The following SLC2A10 variants were observed in gnomAD, a reference collection of about 807,000 sequenced individuals.
SLC2A10 encodes the protein solute carrier family 2, facilitated glucose transporter member 10.
Under a neutral mutation model 32.1 loss-of-function variants are expected in SLC2A10, and 25 were observed. The ratio of observed to expected loss-of-function variants is 0.78; its 90% CI spans 0.57 to 1.09. The LOEUF is 1.09. Ranked by LOEUF, SLC2A10 falls within the 50% of genes least tolerant of loss-of-function variation. SLC2A10 has a pLI of 0.00. For missense variants in SLC2A10, 673 were observed against 686.5 expected (o/e 0.98, Z 0.22); for synonymous variants, 332 against 309.6 (o/e 1.07, Z -0.76).
At chr20:46,718,433 C>T (rs1196211986) in intron 1 of SLC2A10, among the ~76,000 whole-genome samples, 1 of 152,144 alleles carries the variant, frequency 6.6e-6, no homozygotes, top group Non-Finnish European at 1.5e-5. Context: ...CCCTTAACAT[C>T]TGTTTTCATA....
intron 1 of SLC2A10, among the ~76,000 whole-genome samples, chr20:46,712,657 T>C (rs1285796142): frequency 1.8e-4 from 25 of 141,116 alleles, no homozygotes; most frequent in Non-Finnish European, 3.4e-4. Flanking sequence ...CTTTCTTTTT[T>C]TTTTTTTTTT....
rs553051909 is a variant in SLC2A10 at position 46,734,083 on chromosome 20, A to T, written c.*249A>T. 19 of 577,358 alleles carry T rather than the reference A, an allele frequency of 3.3e-5. No individual in the cohort carries two copies. Among genetic ancestry groups the T allele is most frequent in the Admixed American group, 1.2e-4 (4 of 34,280 alleles). The allele number at this position is 577,358 out of a possible 1,614,324, so 35.8% of individuals were successfully genotyped here. ...TGCCTCAGTTTCCCCATTGACTTGCACATCTCTGCAGTATTTATAAGAAGA... is the reference window on the plus strand; with the variant it reads ...TGCCTCAGTTTCCCCATTGACTTGCTCATCTCTGCAGTATTTATAAGAAGA... On this transcript the variant is annotated 3_prime_UTR_variant, in exon 5 of 5. Transcript: ENST00000359271.
intron 1 of SLC2A10, 100 bp downstream of exon 1, chr20:46,709,840 C>T: frequency 7.2e-7 from 1 of 1,398,146 alleles, no homozygotes; most frequent in South Asian, 1.3e-5. Context: ...CCCTGGCTCC[C>T]CCAGGGCCGC....
chr20:46,728,069 A>T (rs1306597333), intron 3 of SLC2A10, among the ~76,000 whole-genome samples: 1 of 152,128 alleles, frequency 6.6e-6, no homozygotes, highest in Non-Finnish European at 1.5e-5. Flanking sequence ...AGAGAGGAGA[A>T]AGAAGGAGAG....
In SLC2A10 at chr20:46,710,906, ACT is replaced by A. The variant is rs549116625; in HGVS notation, c.4+1169_4+1170del. Among the ~76,000 whole-genome samples, 35 of 150,482 alleles carry A rather than the reference ACT, an allele frequency of 2.3e-4. No homozygotes were observed. In the South Asian group the frequency reaches 4.8e-3, roughly 21 times the overall value. ...TTTTTTTCTTTTTTTTGAGATGATC[ACT>A]CTGTCGCCAGGCTGGAGTGCAGTGG... On this transcript the variant is annotated intron_variant, in intron 1 of 4. Coordinates refer to ENST00000359271, the MANE Select transcript of SLC2A10 (RefSeq NM_030777.4).
At position 46,732,409 on chromosome 20, in the gene SLC2A10, T is replaced by G. The variant is rs1980347457; in HGVS notation, c.1548-1347T>G. Reference sequence around the variant, plus strand: ...GTAGTAGGCTCTGGGGACAGACCCATGACCGGGAGAGACCCTGTCTCTGGA... The same window carrying G: ...GTAGTAGGCTCTGGGGACAGACCCAGGACCGGGAGAGACCCTGTCTCTGGA... On this transcript the variant is annotated intron_variant, in intron 4 of 4. Transcript: ENST00000359271. 2.6e-5 allele frequency among the ~76,000 whole-genome samples: 4 copies of G among 152,184 alleles called. No individual in the cohort carries two copies. In the South Asian group the frequency reaches 8.3e-4, roughly 32 times the overall value.
At chr20:46,710,093 G>A (rs1364632704) in intron 1 of SLC2A10, 1 of 461,884 alleles carries the variant, frequency 2.2e-6, no homozygotes, top group Non-Finnish European at 3.8e-6. Context: ...AAGAAGCAAA[G>A]CAGTTCATCG....
At chr20:46,726,532 AAGCC>A (rs1979972263) in intron 2 of SLC2A10, among the ~76,000 whole-genome samples, 1 of 152,078 alleles carries the variant, frequency 6.6e-6, no homozygotes, top group African/African-American at 2.4e-5. Context: ...TATTCCTTAA[AAGCC>A]TCCCCAAGTC....
intron 1 of SLC2A10, among the ~76,000 whole-genome samples, chr20:46,716,278 C>A (rs551034892): frequency 1.3e-5 from 2 of 151,726 alleles, no homozygotes; most frequent in African/African-American, 4.8e-5. Flanking sequence ...CTCAGCCTCC[C>A]GAGTAGCTGG....
At chr20:46,708,848 C>T (rs1411341490), upstream of SLC2A10, among the ~76,000 whole-genome samples, 1 of 152,136 alleles carries the variant, frequency 6.6e-6, no homozygotes, top group African/African-American at 2.4e-5. Context: ...TTTTTTGTAC[C>T]CCATAAGCTC....
chr20:46,733,399 T>C (rs1012904198), intron 4 of SLC2A10, among the ~76,000 whole-genome samples: 1 of 152,070 alleles, frequency 6.6e-6, no homozygotes, highest in Admixed American at 6.5e-5. Context: ...TCCAATCACC[T>C]CCCATCAGGC....
chr20:46,726,987 G>T lies in SLC2A10; in HGVS notation c.1411+1G>T, dbSNP rs864309479. On this transcript the variant is annotated splice_donor_variant, in intron 3 of 4. Coordinates refer to ENST00000359271, the MANE Select transcript of SLC2A10 (RefSeq NM_030777.4). LOFTEE classifies it high-confidence loss of function. ...AGCCTCTCCTTCCTCGATCTCATTGGTGAGTCCTTCCCAGACAAGTCCGTT... is the reference window on the plus strand; with the variant it reads ...AGCCTCTCCTTCCTCGATCTCATTGTTGAGTCCTTCCCAGACAAGTCCGTT... 1 of 1,614,206 alleles carries T rather than the reference G, an allele frequency of 6.2e-7. No homozygotes were observed. Among genetic ancestry groups the T allele is most frequent in the Non-Finnish European group, 8.5e-7 (1 of 1,180,040 alleles).
chr20:46,717,440 C>A (rs1421971350), intron 1 of SLC2A10, among the ~76,000 whole-genome samples: 9 of 152,156 alleles, frequency 5.9e-5, no homozygotes, highest in Non-Finnish European at 1.5e-5. Flanking sequence ...GGCTGGAGTG[C>A]AGTGGTGCAA....
At chr20:46,726,406 C>T (rs1054519585) in intron 2 of SLC2A10, 82 bp downstream of exon 2, 4 of 1,549,468 alleles carry the variant, frequency 2.6e-6, no homozygotes, top group Admixed American at 1.9e-5. Flanking sequence ...ACCCTGATGA[C>T]CTGGCAGGGT....
intron 1 of SLC2A10, among the ~76,000 whole-genome samples, chr20:46,723,426 G>T (rs1979671677): frequency 1.3e-5 from 2 of 152,234 alleles, no homozygotes; most frequent in African/African-American, 4.8e-5. Context: ...TCTTTTAGCT[G>T]GATGTAGTCC....
upstream of SLC2A10, chr20:46,709,414 C>T (rs1302309898): frequency 9.6e-6 from 4 of 416,756 alleles, no homozygotes; most frequent in Non-Finnish European, 1.7e-5. Flanking sequence ...GTGTGTCCCC[C>T]CCAGGGGAGG....
chr20:46,713,828 G>A (rs532975202), intron 1 of SLC2A10, among the ~76,000 whole-genome samples: 13 of 152,236 alleles, frequency 8.5e-5, no homozygotes, highest in South Asian at 4.2e-4. Context: ...CTGGGGCCCC[G>A]GAGGCTCAGG....
At chr20:46,726,404 G>A (rs1317300511) in intron 2 of SLC2A10, 80 bp downstream of exon 2, 3 of 1,551,994 alleles carry the variant, frequency 1.9e-6, no homozygotes, top group Non-Finnish European at 2.6e-6. Context: ...CCACCCTGAT[G>A]ACCTGGCAGG....
chr20:46,726,720 C>T, intron 2 of SLC2A10, 144 bp from the exon 3 acceptor site: 2 of 1,145,872 alleles, frequency 1.7e-6, no homozygotes, highest in Non-Finnish European at 2.6e-6. Flanking sequence ...TACTGTAATT[C>T]TTATAGCAGA....
Sources: gnomAD v4.1 joint callset for allele counts (sites outside exome capture counted in the v4.1 genomes callset) on GRCh38, gnomAD v4.1.1 for gene constraint, MANE v1.5 for transcripts, NCBI Gene and HGNC (gene_info 2026-07-23, HGNC 2026-07-21) for gene names.